The following TSC2 variants were observed in gnomAD, a reference collection of about 807,000 sequenced individuals.
TSC2 encodes tuberin.
TSC2 carries 29 observed loss-of-function variants against 202.2 expected under a neutral mutation model. That is an observed-to-expected ratio of 0.14 (90% CI 0.11 to 0.20). TSC2 has a LOEUF of 0.20. TSC2 is among the 10% of genes least tolerant of loss of function. TSC2 has a pLI of 1.00. For missense variants in TSC2, 2,429 were observed against 2,420.0 expected (o/e 1.00, Z -0.08); for synonymous variants, 1,349 against 1,044.0 (o/e 1.29, Z -5.63).
rs45497598 is a variant in TSC2 at position 2,085,033 on chromosome 16, G to A, written c.4569+7G>A. The A allele has an allele frequency of 4.3e-6, 7 of 1,613,024 alleles. No homozygotes were observed. Among genetic ancestry groups the A allele is most frequent in the East Asian group, 2.2e-5 (1 of 44,878 alleles). On this transcript the variant is annotated splice_region_variant and intron_variant, in intron 35 of 41. Transcript: ENST00000219476. Reference sequence around the variant, plus strand: ...AATCCTGCTGCCCAATGAGGTAGGCGTGGCCTCCCTCTCCTGCATCCGCTG... The same window carrying A: ...AATCCTGCTGCCCAATGAGGTAGGCATGGCCTCCCTCTCCTGCATCCGCTG...
intron 17 of TSC2, 130 bp downstream of exon 17, chr16:2,070,708 C>T: frequency 1.4e-6 from 2 of 1,469,792 alleles, no homozygotes; most frequent in Non-Finnish European, 1.8e-6. Flanking sequence ...CCCTCCTCTG[C>T]ACCCACTGTG....
At chr16:2,076,272 G>A (rs1196233909) in intron 24 of TSC2, 102 bp downstream of exon 24, 1 of 1,575,978 alleles carries the variant, frequency 6.3e-7, no homozygotes, top group Non-Finnish European at 8.6e-7. Flanking sequence ...GTGGAGGGCA[G>A]TGGGAGGGTG....
At position 2,084,298 on chromosome 16, in the gene TSC2, T is replaced by G. The variant is rs759429014; in HGVS notation, c.4076T>G (p.Ile1359Ser). 6.2e-7 allele frequency: 1 copy of G among 1,612,516 alleles called. No homozygotes were observed. The highest frequency in any genetic ancestry group is 1.3e-5 in the African/African-American group (1 of 74,924). ...GAGCTGGTTGGCAGGGGCATCCCCA[T>G]CGAGCGAGTCGTCTCCTCGGAGGGT... ...AEELVGRGIP[I>S]ERVVSSEGGR... Residue 1359 changes from isoleucine to serine, a missense_variant, in exon 34 of 42, where the codon ATC becomes AGC. By Grantham distance (142) the Ile-to-Ser change is moderately radical. Coordinates refer to ENST00000219476, the MANE Select transcript of TSC2 (RefSeq NM_000548.5).
At chr16:2,074,635 C>G (rs571170886) in intron 22 of TSC2, 2 of 570,442 alleles carry the variant, frequency 3.5e-6, no homozygotes, top group Non-Finnish European at 6.3e-6. Flanking sequence ...TCTTCCCCCC[C>G]GAGCAGTGGC....
chr16:2,065,857 G>C (rs975642130), intron 16 of TSC2, among the ~76,000 whole-genome samples: 1 of 152,166 alleles, frequency 6.6e-6, no homozygotes, highest in Non-Finnish European at 1.5e-5. Flanking sequence ...GCTTGTCTCT[G>C]TGCTCCTGAG....
chr16:2,082,420 C>T lies in TSC2; in HGVS notation c.3815-16C>T, dbSNP rs546810161. ...CTCCTCCTGCTGACGTGGCCGCACA[C>T]GGCCTTCCCTTGCAGTGGCCTCTTT... is the stretch of plus-strand genomic sequence containing the variant. On this transcript the variant is annotated splice_polypyrimidine_tract_variant and intron_variant, in intron 31 of 41. Transcript: ENST00000219476. The T allele has an allele frequency of 1.1e-4, 182 of 1,612,424 alleles. No homozygotes were observed. The South Asian group carries it at 1.5e-3, about 14-fold the overall frequency.
chr16:2,062,890 C>G, intron 13 of TSC2, 82 bp from the exon 14 acceptor site: 1 of 1,477,034 alleles, frequency 6.8e-7, no homozygotes, highest in South Asian at 1.2e-5. Context: ...CAGAGTCGGG[C>G]TGGCCTGCGC....
intron 9 of TSC2, among the ~76,000 whole-genome samples, chr16:2,058,505 T>C (rs1270770669): frequency 6.6e-6 from 1 of 152,250 alleles, no homozygotes; most frequent in Non-Finnish European, 1.5e-5. Flanking sequence ...CTGCTTCCTG[T>C]CCCTGGCATG....
chr16:2,063,312 T>G (rs1461696057), intron 14 of TSC2: 1 of 592,928 alleles, frequency 1.7e-6, no homozygotes, highest in African/African-American at 1.9e-5. Flanking sequence ...TCCGGCCGGT[T>G]TTCACCCAAC....
chr16:2,084,747 A>G (rs1417975069), intron 34 of TSC2, 32 bp downstream of exon 34: 3 of 1,598,230 alleles, frequency 1.9e-6, no homozygotes, highest in Non-Finnish European at 2.5e-6. Flanking sequence ...GGGGCTCCTG[A>G]CACCTCTCCT....
rs755425128 is a variant in TSC2, at chr16:2,070,448, C to T, written c.1717-8C>T. 1.9e-6 allele frequency: 3 copies of T among 1,613,260 alleles called. No homozygotes were observed. Among genetic ancestry groups the T allele is most frequent in the African/African-American group, 1.3e-5 (1 of 74,940 alleles). ...TGCGCCGTGGTGAGCTGCGTCCTCT[C>T]TCTGCAGACCAAGCTGTACACCCTG... On this transcript the variant is annotated splice_polypyrimidine_tract_variant and splice_region_variant and intron_variant, in intron 16 of 41. Coordinates refer to ENST00000219476, the MANE Select transcript of TSC2 (RefSeq NM_000548.5).
intron 20 of TSC2, 162 bp downstream of exon 20, chr16:2,072,525 GA>G: frequency 8.6e-7 from 1 of 1,161,186 alleles, no homozygotes; most frequent in Non-Finnish European, 1.2e-6. Context: ...GGGCAGGGTG[GA>G]GGGACCCCTG....
rs1030679615 is a variant in TSC2 at position 2,054,200 on chromosome 16, G to C, written c.337-96G>C. ...CTCTGTGGGAAGGAGAGGGGTCCAG[G>C]GCTGGAGTCCGGGTGCCCCTGCACT... is the stretch of plus-strand genomic sequence containing the variant. On this transcript the variant is annotated intron_variant, in intron 4 of 41. Coordinates refer to ENST00000219476, the MANE Select transcript of TSC2 (RefSeq NM_000548.5). 1.0e-5 allele frequency: 16 copies of C among 1,595,960 alleles called. No homozygotes were observed. The African/African-American group carries it at 1.7e-4, about 17-fold the overall frequency.
chr16:2,056,462 A>G (rs1210839055), intron 7 of TSC2, among the ~76,000 whole-genome samples, 182 bp from the exon 8 acceptor site: 1 of 152,250 alleles, frequency 6.6e-6, no homozygotes, highest in Non-Finnish European at 1.5e-5. Flanking sequence ...AATGACCCAC[A>G]GTGACAGGGA....
chr16:2,081,992 T>A lies in TSC2; in HGVS notation c.3814+194T>A, dbSNP rs117153104. ...GAGGTGTCTGCCCTGCTCAGGAAGC[T>A]GGGGCTGGCAGCTTCAGAAGCAGTA... is the stretch of plus-strand genomic sequence containing the variant. On this transcript the variant is annotated intron_variant, in intron 31 of 41. Coordinates refer to ENST00000219476, the MANE Select transcript of TSC2 (RefSeq NM_000548.5). 2.4e-3 allele frequency: 1,963 copies of A among 801,716 alleles called. 31 individuals carry two copies. The East Asian group carries it at 0.042, about 17-fold the overall frequency. 49.7% of individuals were successfully genotyped at this position (801,716 alleles called of 1,614,324 possible). A position where few individuals can be genotyped will look rare whatever the true frequency, so the allele number is the denominator to read the frequency against.
At chr16:2,073,595 G>T (rs541308973) in intron 21 of TSC2, among the ~76,000 whole-genome samples, 2 of 152,186 alleles carry the variant, frequency 1.3e-5, no homozygotes, top group Non-Finnish European at 2.9e-5. Context: ...GCTGTTGTTG[G>T]GTTCCCATCC....
intron 18 of TSC2, 37 bp from the exon 19 acceptor site, chr16:2,071,747 G>A (rs757545775): frequency 4.4e-5 from 70 of 1,600,332 alleles, no homozygotes; most frequent in Non-Finnish European, 5.5e-5. Context: ...TTCCTGCTGC[G>A]GGGACTTGGC....
intron 4 of TSC2, 64 bp downstream of exon 4, chr16:2,053,516 C>T: frequency 2.0e-6 from 3 of 1,480,558 alleles, no homozygotes; most frequent in Non-Finnish European, 2.7e-6. Context: ...CCTGTCCCTG[C>T]TGGGCCGTGT....
At chr16:2,085,116 C>T (rs567432524) in intron 35 of TSC2, 90 bp downstream of exon 35, 5 of 1,602,960 alleles carry the variant, frequency 3.1e-6, no homozygotes, top group South Asian at 1.1e-5. Context: ...GGAGCTCAGG[C>T]TTGCAGAGGG....
Sources: gnomAD v4.1 joint callset for allele counts (sites outside exome capture counted in the v4.1 genomes callset) on GRCh38, gnomAD v4.1.1 for gene constraint, MANE v1.5 for transcripts, NCBI Gene and HGNC (gene_info 2026-07-23, HGNC 2026-07-21) for gene names.